The following LPAR1 variants were observed in gnomAD, a reference collection of about 807,000 sequenced individuals.
LPAR1 encodes the protein lysophosphatidic acid receptor 1.
LPAR1 carries 5 observed loss-of-function variants against 23.8 expected under a neutral mutation model. That is an observed-to-expected ratio of 0.21 (90% confidence interval 0.11 to 0.44). LPAR1 has a LOEUF of 0.44. Among genes scored for constraint, LPAR1 ranks in the 20% least tolerant of loss-of-function variants. The pLI is 0.99. For missense variants in LPAR1, 311 were observed against 482.8 expected, an observed-to-expected ratio of 0.64 and a Z score of 3.33; for synonymous variants, 160 against 164.7, an observed-to-expected ratio of 0.97 and a Z score of 0.22.
intron 2 of LPAR1, among the ~76,000 whole-genome samples, chr9:111,009,522 A>G (rs557471478): frequency 1.3e-5 from 2 of 152,316 alleles, no homozygotes; most frequent in East Asian, 3.9e-4. Flanking sequence ...GTTTACAGAC[A>G]TAAGTGTACA....
intron 2 of LPAR1, among the ~76,000 whole-genome samples, chr9:110,975,602 CATGGA>C (rs2096538180): frequency 6.6e-6 from 1 of 152,162 alleles, no homozygotes; most frequent in South Asian, 2.1e-4. Context: ...ATGGAAAGCA[CATGGA>C]ATCTTTAAGC....
At chr9:110,920,708 T>C (rs1173678147) in intron 5 of LPAR1, among the ~76,000 whole-genome samples, 1 of 152,232 alleles carries the variant, frequency 6.6e-6, no homozygotes, top group Non-Finnish European at 1.5e-5. Flanking sequence ...GTAATTCACG[T>C]CATCTCTCTG....
intron 5 of LPAR1, among the ~76,000 whole-genome samples, chr9:110,896,660 T>G (rs1310993435): frequency 6.6e-6 from 1 of 152,200 alleles, no homozygotes; most frequent in East Asian, 1.9e-4. Context: ...GGTTACTAGA[T>G]TGAAGACTAG....
chr9:110,951,958 G>A (rs949692434), intron 4 of LPAR1, among the ~76,000 whole-genome samples: 33 of 152,228 alleles, frequency 2.2e-4, no homozygotes, highest in African/African-American at 8.0e-4. Flanking sequence ...AAAGCAATTT[G>A]CACAAGGATG....
At chr9:110,950,991 A>T in intron 4 of LPAR1, among the ~76,000 whole-genome samples, 1 of 152,194 alleles carries the variant, frequency 6.6e-6, no homozygotes, top group East Asian at 1.9e-4. Context: ...GGTAGTTAGG[A>T]CATTGTGATA....
intron 2 of LPAR1, among the ~76,000 whole-genome samples, chr9:111,003,564 G>A (rs1240269066): frequency 6.6e-6 from 1 of 152,130 alleles, no homozygotes; most frequent in Non-Finnish European, 1.5e-5. Flanking sequence ...TTTCTTATTT[G>A]GAAGGAAAAT....
chr9:110,931,186 T>G (rs536311250), intron 5 of LPAR1, among the ~76,000 whole-genome samples: 1 of 152,196 alleles, frequency 6.6e-6, no homozygotes, highest in South Asian at 2.1e-4. Flanking sequence ...CTTCTATACA[T>G]CATCTAAGAT....
chr9:110,964,743 ATAAAACC>A (rs2137612183), intron 4 of LPAR1, among the ~76,000 whole-genome samples: 1 of 152,272 alleles, frequency 6.6e-6, no homozygotes, highest in Admixed American at 6.5e-5. Context: ...AATAACAGAA[ATAAAACC>A]TAAAACACAG....
chr9:110,966,984 T>A (rs184521064), intron 4 of LPAR1, among the ~76,000 whole-genome samples: 2 of 152,270 alleles, frequency 1.3e-5, no homozygotes, highest in African/African-American at 4.8e-5. Context: ...TGCAAGTTTG[T>A]TTGGTTTCCT....
intron 4 of LPAR1, among the ~76,000 whole-genome samples, chr9:110,950,089 T>G (rs2095521409): frequency 6.6e-6 from 1 of 151,528 alleles, no homozygotes; most frequent in South Asian, 2.1e-4. Flanking sequence ...CTAATTGTCA[T>G]ATTTAAGCAT....
intron 2 of LPAR1, among the ~76,000 whole-genome samples, chr9:111,024,588 C>G (rs2097650072): frequency 6.8e-6 from 1 of 147,768 alleles, no homozygotes; most frequent in Non-Finnish European, 1.5e-5. Flanking sequence ...ACTTTAAGTT[C>G]TGGGATACAT....
chr9:110,897,551 T>A (rs2086864261), intron 5 of LPAR1, among the ~76,000 whole-genome samples: 1 of 152,198 alleles, frequency 6.6e-6, no homozygotes, highest in Non-Finnish European at 1.5e-5. Flanking sequence ...TACAAACACA[T>A]CTTATAGGGA....
chr9:110,964,898 G>A (rs766781780), intron 4 of LPAR1, among the ~76,000 whole-genome samples: 2 of 102,696 alleles, frequency 1.9e-5, no homozygotes, highest in Non-Finnish European at 3.5e-5. Context: ...GAGTCTCACT[G>A]TTTCACCTAG....
intron 5 of LPAR1, among the ~76,000 whole-genome samples, chr9:110,900,057 T>G (rs1401693203): frequency 6.6e-6 from 1 of 152,250 alleles, no homozygotes; most frequent in African/African-American, 2.4e-5. Flanking sequence ...TTATTTGTAT[T>G]CGTTTTCTAT....
chr9:110,892,774 A>T (rs2084750635), intron 5 of LPAR1, among the ~76,000 whole-genome samples: 1 of 37,136 alleles, frequency 2.7e-5, no homozygotes. Flanking sequence ...GAAGGGAAGG[A>T]AGGAAGGAAG....
chr9:110,904,959 G>T (rs912243379), intron 5 of LPAR1, among the ~76,000 whole-genome samples: 6 of 152,172 alleles, frequency 3.9e-5, no homozygotes, highest in African/African-American at 1.4e-4. Context: ...AGTGACAGAA[G>T]GAAGACACTT....
intron 4 of LPAR1, among the ~76,000 whole-genome samples, chr9:110,952,020 G>T (rs536722750): frequency 6.6e-6 from 1 of 152,322 alleles, no homozygotes; most frequent in South Asian, 2.1e-4. Flanking sequence ...AGCCAAGACG[G>T]CTGACTAGAG....
rs1489895664 is a variant in LPAR1 at position 110,961,225 on chromosome 9, A to C, written c.45+10848T>G. ...ATAACCATTTTAAGGGGAAAAAAAA[A>C]AAAAGCCAAATGTGGTCCTAAGACT... On this transcript the variant is annotated intron_variant, in intron 4 of 5. Coordinates refer to ENST00000683809, the MANE Select transcript of LPAR1 (RefSeq NM_001351411.2). 2.0e-5 allele frequency among the ~76,000 whole-genome samples: 3 copies of C among 152,130 alleles called. No individual in the cohort carries two copies. The East Asian group carries it at 5.8e-4, about 29-fold the overall frequency.
chr9:110,895,602 T>C (rs1264356374), intron 5 of LPAR1, among the ~76,000 whole-genome samples: 1 of 152,150 alleles, frequency 6.6e-6, no homozygotes, highest in Admixed American at 6.5e-5. Flanking sequence ...ACAGGCCTCA[T>C]ATTTCTATTT....
Sources: allele counts gnomAD v4.1 joint callset (sites outside exome capture counted in the v4.1 genomes callset), GRCh38; gene constraint gnomAD v4.1.1; transcripts MANE v1.5; gene names NCBI Gene and HGNC (gene_info 2026-07-23, HGNC 2026-07-21).